The following PTK7 variants were observed in gnomAD, a reference collection of about 807,000 sequenced individuals.
The protein encoded by PTK7 is inactive tyrosine-protein kinase 7.
In PTK7, 39 loss-of-function variants were observed where a neutral mutation model predicts 116.6. The ratio of observed to expected loss-of-function variants is 0.33; its 90% CI spans 0.26 to 0.44. PTK7 has a LOEUF of 0.44. Ranked by LOEUF, PTK7 falls within the 20% of genes least tolerant of loss-of-function variation. The pLI is 1.00. For missense variants in PTK7, 1,169 were observed against 1,425.6 expected (o/e 0.82, Z 2.90); for synonymous variants, 546 against 563.6 (o/e 0.97, Z 0.44).
At chr6:43,100,817 C>T (rs1767531779) in intron 1 of PTK7, among the ~76,000 whole-genome samples, 1 of 152,244 alleles carries the variant, frequency 6.6e-6, no homozygotes, top group South Asian at 2.1e-4. Context: ...AAGTGTCTTG[C>T]CTTGACCAAT....
intron 1 of PTK7, among the ~76,000 whole-genome samples, chr6:43,096,951 T>A (rs943120431): frequency 1.1e-4 from 6 of 53,044 alleles, no homozygotes; most frequent in Non-Finnish European, 1.9e-4. Context: ...TCATTAAGAA[T>A]TCTTGGGGCC....
intron 5 of PTK7, 38 bp from the exon 6 acceptor site, chr6:43,131,978 T>C: frequency 3.1e-6 from 5 of 1,612,812 alleles, no homozygotes; most frequent in Non-Finnish European, 4.2e-6. Flanking sequence ...ACTAGGCCTA[T>C]TGGCCACTTT....
chr6:43,120,347 C>G (rs1768884799), intron 1 of PTK7, among the ~76,000 whole-genome samples: 1 of 152,204 alleles, frequency 6.6e-6, no homozygotes, highest in African/African-American at 2.4e-5. Flanking sequence ...GGATAAAGCT[C>G]TCAGTCACAG....
chr6:43,154,154 C>T (rs1771283758), intron 17 of PTK7, among the ~76,000 whole-genome samples: 1 of 142,446 alleles, frequency 7.0e-6, no homozygotes, highest in Non-Finnish European at 1.6e-5. Context: ...CAGAGCAAGA[C>T]TCAGTCTCTA....
At chr6:43,157,139 C>G (rs1771478176) in intron 17 of PTK7, among the ~76,000 whole-genome samples, 1 of 147,602 alleles carries the variant, frequency 6.8e-6, no homozygotes, top group African/African-American at 2.5e-5. Context: ...TGGGAAGGAA[C>G]TCTTGAGTGC....
intron 13 of PTK7, 181 bp downstream of exon 13, chr6:43,142,480 G>A (rs1199272760): frequency 1.4e-5 from 14 of 995,214 alleles, no homozygotes; most frequent in South Asian, 2.8e-5. Flanking sequence ...CCGGGCTGTC[G>A]TTTATTTAAC....
rs973748173 is a variant in PTK7 at position 43,139,632 on chromosome 6, T to G, written c.1618+107T>G. The G allele has an allele frequency of 7.2e-6, 11 of 1,520,814 alleles. No individual in the cohort carries two copies. In the African/African-American group the frequency reaches 1.5e-4, roughly 21 times the overall value. 94.2% of individuals were successfully genotyped at this position (1,520,814 alleles called of 1,614,324 possible). A position where few individuals can be genotyped will look rare whatever the true frequency, so the allele number is the denominator to read the frequency against. ...GCACTGTGCCAGGAAATGTGGAGATTAGACAAGCAGTGCAGGGCTGATGTA... is the reference window on the plus strand; with the variant it reads ...GCACTGTGCCAGGAAATGTGGAGATGAGACAAGCAGTGCAGGGCTGATGTA... On this transcript the variant is annotated intron_variant, in intron 10 of 19. Transcript: ENST00000230419. The surrounding 1 kb of genome is among the most constrained non-coding windows in gnomAD (Gnocchi z 4.6).
intron 17 of PTK7, among the ~76,000 whole-genome samples, chr6:43,148,486 A>G (rs1412595125): frequency 6.6e-6 from 1 of 152,200 alleles, no homozygotes; most frequent in Non-Finnish European, 1.5e-5. Flanking sequence ...TTAGTTCACA[A>G]GGACAGGATG....
At chr6:43,157,351 TATATATATATA>T (rs1311862592) in intron 17 of PTK7, among the ~76,000 whole-genome samples, 1,943 of 12,208 alleles carry the variant, frequency 0.16, 282 homozygotes, top group African/African-American at 0.27. Context: ...TATATATATA[TATATATATATA>T]TATTTTTTTT....
chr6:43,099,513 C>T (rs754790934), intron 1 of PTK7, among the ~76,000 whole-genome samples: 3 of 151,952 alleles, frequency 2.0e-5, no homozygotes, highest in Non-Finnish European at 2.9e-5. Context: ...TGAGCCACTG[C>T]GCCTGGCCCA....
chr6:43,130,168 T>C, intron 3 of PTK7, 62 bp from the exon 4 acceptor site: 1 of 1,466,454 alleles, frequency 6.8e-7, no homozygotes, highest in Non-Finnish European at 9.2e-7. Flanking sequence ...TCTGATACTG[T>C]ATCCTCTCCA....
intron 17 of PTK7, among the ~76,000 whole-genome samples, chr6:43,153,639 A>G (rs1208388337): frequency 6.6e-6 from 1 of 152,060 alleles, no homozygotes; most frequent in African/African-American, 2.4e-5. Flanking sequence ...TCAAACTCCT[A>G]GGCTCAAGCA....
Position 43,146,623 on chromosome 6 carries a change from C to T in PTK7, c.2646C>T (p.Asp882=), listed in dbSNP as rs1197146307. 5.6e-6 allele frequency: 9 copies of T among 1,613,430 alleles called. No individual in the cohort carries two copies. The highest frequency in any genetic ancestry group is 7.6e-6 in the Non-Finnish European group (9 of 1,179,904). ...YMVLEYVDLG[D]LKQFLRISKS... ...ATGCCTGGCTTTTCCCTTAGGGAGA[C>T]CTCAAGCAGTTCCTGAGGATTTCCA... The change falls in exon 17 of 20, where the codon GAC becomes GAT. Residue 882 remains aspartate (D), a synonymous_variant. Coordinates refer to ENST00000230419, the MANE Select transcript of PTK7 (RefSeq NM_002821.5).
At position 43,143,781 on chromosome 6, in the gene PTK7, TC is replaced by T. The variant is rs1770567423; in HGVS notation, c.2251+164del. 6.6e-6 allele frequency among the ~76,000 whole-genome samples: 1 copy of T among 152,198 alleles called. No homozygotes were observed. The highest frequency in any genetic ancestry group is 2.4e-5 in the African/African-American group (1 of 41,454). On this transcript the variant is annotated intron_variant, in intron 14 of 19. Coordinates refer to ENST00000230419, the MANE Select transcript of PTK7 (RefSeq NM_002821.5). The surrounding 1 kb of genome is among the most constrained non-coding windows in gnomAD (Gnocchi z 4.2). ...CCTAGCGGGAAGCCTGGAGTTGGAT[TC>T]CCAGGGCCTCGTCTTCTGAGCAACC...
chr6:43,092,049 G>A (rs538893105), intron 1 of PTK7, among the ~76,000 whole-genome samples: 2 of 152,168 alleles, frequency 1.3e-5, no homozygotes, highest in African/African-American at 2.4e-5. Context: ...TTTTAGTAGC[G>A]ATGGGGCTTC....
intron 1 of PTK7, among the ~76,000 whole-genome samples, chr6:43,087,972 G>A (rs1445756417): frequency 6.6e-6 from 1 of 152,172 alleles, no homozygotes; most frequent in Non-Finnish European, 1.5e-5. Flanking sequence ...AGGCACAAAA[G>A]TACGATCTGC....
At chr6:43,146,540 C>T (rs536418204) in intron 16 of PTK7, 78 bp from the exon 17 acceptor site, 7 of 1,374,978 alleles carry the variant, frequency 5.1e-6, no homozygotes, top group African/African-American at 1.4e-5. Context: ...AGGAATTCTG[C>T]GAGCACCTGC....
chr6:43,156,095 G>T (rs1771408802), intron 17 of PTK7, among the ~76,000 whole-genome samples: 1 of 151,850 alleles, frequency 6.6e-6, no homozygotes, highest in Non-Finnish European at 1.5e-5. Context: ...TGGGTGTCAT[G>T]GTGGGCACCT....
chr6:43,146,345 G>A (rs1770724263), intron 16 of PTK7, among the ~76,000 whole-genome samples: 1 of 152,116 alleles, frequency 6.6e-6, no homozygotes, highest in South Asian at 2.1e-4. Context: ...CTGAAGATGG[G>A]GGCTCTGTTG....
Sources: allele counts gnomAD v4.1 joint callset (sites outside exome capture counted in the v4.1 genomes callset), GRCh38; gene constraint gnomAD v4.1.1; non-coding constraint Gnocchi (gnomAD v3.1); transcripts MANE v1.5; gene names NCBI Gene and HGNC (gene_info 2026-07-23, HGNC 2026-07-21).